LRGUK: variants seen among roughly 807,000 people sequenced by gnomAD.
The protein encoded by LRGUK is leucine-rich repeat and guanylate kinase domain-containing protein.
In LRGUK, 65 loss-of-function variants were observed where a neutral mutation model predicts 76.0. The observed-to-expected ratio is 0.85, with a 90% CI of 0.70 to 1.05. The LOEUF (loss-of-function observed/expected upper bound fraction) is 1.05, where lower values mean the gene tolerates loss of function less well. Ranked by LOEUF, LRGUK falls within the 50% of genes least tolerant of loss-of-function variation. LRGUK has a pLI of 0.00. For missense variants in LRGUK, 758 were observed against 732.8 expected (o/e 1.03, Z -0.40); for synonymous variants, 268 against 265.6 (o/e 1.01, Z -0.09).
chr7:134,256,482 T>G (rs542685940), intron 18 of LRGUK, among the ~76,000 whole-genome samples: 39 of 139,542 alleles, frequency 2.8e-4, no homozygotes, highest in Non-Finnish European at 4.4e-4. Context: ...AAAAAAAAAG[T>G]CCACTCCTTG....
Position 134,127,596 on chromosome 7 carries a change from G to A in LRGUK, c.229G>A (p.Asp77Asn), listed in dbSNP as rs554353844. Residue 77 changes from aspartate (D) to asparagine (N), a missense_variant, in exon 1 of 16, where the codon GAT (aspartate) becomes AAT (asparagine). Coordinates refer to ENST00000645682, the Ensembl canonical transcript of LRGUK. ...CTATCAGGAGCTGGACTCGGACGGAGATGAGGACCAGGGCGAGGGCGAGGC... is the reference window on the plus strand; with the variant it reads ...CTATCAGGAGCTGGACTCGGACGGAAATGAGGACCAGGGCGAGGGCGAGGC... The A allele has an allele frequency of 3.1e-6, 5 of 1,614,204 alleles. No individual in the cohort carries two copies. In the South Asian group the frequency reaches 3.3e-5, roughly 11 times the overall value.
At position 134,199,427 on chromosome 7, in the gene LRGUK, T is replaced by G. The variant is rs771690176; in HGVS notation, c.1747+6T>G. On this transcript the variant is annotated splice_donor_region_variant and intron_variant, in intron 14 of 15. Coordinates refer to ENST00000645682, the Ensembl canonical transcript of LRGUK. ...TGATGAGGTAATCAATGCAGGTTGG[T>G]AATTTTCAGCAAAGTTTTGTTTTTG... 1.9e-5 allele frequency: 30 copies of G among 1,605,198 alleles called. No homozygotes were observed. The highest frequency in any genetic ancestry group is 2.4e-5 in the Non-Finnish European group (28 of 1,174,510).
chr7:134,219,799 C>A (rs1449053877), intron 15 of LRGUK, among the ~76,000 whole-genome samples: 1 of 152,004 alleles, frequency 6.6e-6, no homozygotes, highest in Non-Finnish European at 1.5e-5. Flanking sequence ...CTTATACCAG[C>A]CACTTTTCCT....
At chr7:134,178,594 A>G in exon 10 of LRGUK, 1 of 1,612,450 alleles carries the variant, frequency 6.2e-7, no homozygotes, top group South Asian at 1.1e-5. Flanking sequence ...ATGCAGCCGC[A>G]GAGGATCTTT....
chr7:134,172,632 G>C (rs562014865), intron 7 of LRGUK, among the ~76,000 whole-genome samples: 4 of 152,188 alleles, frequency 2.6e-5, no homozygotes, highest in Non-Finnish European at 5.9e-5. Flanking sequence ...TTGTTGGTGA[G>C]ACGTGATAAA....
chr7:134,132,028 C>T (rs183272577), intron 1 of LRGUK, among the ~76,000 whole-genome samples: 32 of 152,152 alleles, frequency 2.1e-4, no homozygotes, highest in African/African-American at 7.2e-4. Context: ...GAAAGAAGAC[C>T]TATATGATAG....
At chr7:134,129,528 A>G (rs1341721440) in intron 1 of LRGUK, among the ~76,000 whole-genome samples, 1 of 145,800 alleles carries the variant, frequency 6.9e-6, no homozygotes, top group African/African-American at 2.6e-5. Context: ...ACTGGAATAC[A>G]GTGGTACAGT....
intron 5 of LRGUK, among the ~76,000 whole-genome samples, chr7:134,148,938 T>A (rs1224609780): frequency 6.6e-6 from 1 of 152,042 alleles, no homozygotes; most frequent in Non-Finnish European, 1.5e-5. Flanking sequence ...ATTAACTCCT[T>A]TCTTCAAATT....
downstream of LRGUK, among the ~76,000 whole-genome samples, chr7:134,266,739 TA>T (rs745687371): frequency 6.6e-5 from 10 of 152,048 alleles, no homozygotes; most frequent in South Asian, 2.1e-4. Context: ...ATATTTTTTT[TA>T]AAAATGACCC....
intron 10 of LRGUK, among the ~76,000 whole-genome samples, chr7:134,179,496 A>C (rs1799647722): frequency 6.6e-6 from 1 of 152,176 alleles, no homozygotes; most frequent in African/African-American, 2.4e-5. Context: ...ATAATTTAAT[A>C]ATGTAGACGT....
At chr7:134,193,902 G>A (rs1159062) in intron 12 of LRGUK, among the ~76,000 whole-genome samples, 7,161 of 152,048 alleles carry the variant, frequency 0.047, 370 homozygotes, top group East Asian at 0.15. Flanking sequence ...GCTCTGACAC[G>A]TACAACACAT....
At chr7:134,201,497 C>T (rs753674476) in exon 15 of LRGUK, 1 of 1,613,736 alleles carries the variant, frequency 6.2e-7, no homozygotes, top group Admixed American at 1.7e-5. Flanking sequence ...TGGATGTTGC[C>T]TACCAAAAAC....
chr7:134,200,446 AAGAC>A (rs1800721404), intron 14 of LRGUK, among the ~76,000 whole-genome samples: 3 of 152,162 alleles, frequency 2.0e-5, no homozygotes, highest in African/African-American at 4.8e-5. Flanking sequence ...GTTACTGAAA[AAGAC>A]AGGTTTACAA....
intron 12 of LRGUK, among the ~76,000 whole-genome samples, chr7:134,193,787 T>G (rs1181186704): frequency 1.3e-5 from 2 of 151,878 alleles, no homozygotes; most frequent in East Asian, 3.9e-4. Flanking sequence ...AGAACCCCCC[T>G]CTACACAGCA....
intron 12 of LRGUK, among the ~76,000 whole-genome samples, chr7:134,195,895 C>T (rs1034341884): frequency 1.3e-5 from 2 of 152,102 alleles, no homozygotes; most frequent in African/African-American, 4.8e-5. Context: ...TCCTCATCAC[C>T]TGCAGCAGAC....
intron 7 of LRGUK, among the ~76,000 whole-genome samples, chr7:134,166,896 C>T (rs994803494): frequency 3.3e-5 from 5 of 152,212 alleles, no homozygotes; most frequent in African/African-American, 7.2e-5. Flanking sequence ...TCTTCACATA[C>T]GTGAGCAAAA....
At chr7:134,190,924 G>A (rs1800203927) in intron 11 of LRGUK, among the ~76,000 whole-genome samples, 1 of 152,244 alleles carries the variant, frequency 6.6e-6, no homozygotes, top group African/African-American at 2.4e-5. Flanking sequence ...AGCAGTTCTG[G>A]GGATAGACAG....
chr7:134,232,481 T>C (rs1307603249), intron 16 of LRGUK, among the ~76,000 whole-genome samples: 1 of 152,166 alleles, frequency 6.6e-6, no homozygotes, highest in Non-Finnish European at 1.5e-5. Context: ...GGTTTCACCA[T>C]GTTGGCCAGG....
rs373321439 is a variant in LRGUK, at chr7:134,263,902, C to T, written c.2405C>T (p.Ser802Leu). The T allele has an allele frequency of 2.0e-5, 32 of 1,612,380 alleles. No homozygotes were observed. The highest frequency in any genetic ancestry group is 2.1e-5 in the Non-Finnish European group (25 of 1,179,214). ...GAGTCTCACCAACACAGACAACACT[C>T]GGTCCCAGTCATCAGTCGCCCAGGT... The change falls in exon 20 of 20, where the codon TCG (serine) becomes TTG (leucine). Residue 802 changes from serine (S) to leucine (L), a missense_variant. Transcript: ENST00000285928.
Sources: gnomAD v4.1 joint callset for allele counts (sites outside exome capture counted in the v4.1 genomes callset) on GRCh38, gnomAD v4.1.1 for gene constraint, MANE v1.5 for transcripts, NCBI Gene and HGNC (gene_info 2026-07-23, HGNC 2026-07-21) for gene names.